The following MEIS2 variants were observed in gnomAD, a reference collection of about 807,000 sequenced individuals.
MEIS2 encodes the protein Meis homeobox 2.
A neutral mutation model predicts 58.6 loss-of-function variants in MEIS2; 9 were observed. The ratio of observed to expected loss-of-function variants is 0.15; its 90% confidence interval spans 0.09 to 0.27. The LOEUF is 0.27. Among genes scored for constraint, MEIS2 ranks in the 10% least tolerant of loss-of-function variants. MEIS2 has a pLI of 1.00. For synonymous variants in MEIS2, 221 were observed against 228.4 expected (o/e 0.97, Z 0.29); for missense variants, 427 against 635.0 (o/e 0.67, Z 3.52).
At chr15:37,087,379 C>A (rs1003941186) in intron 6 of MEIS2, among the ~76,000 whole-genome samples, 4 of 152,096 alleles carry the variant, frequency 2.6e-5, no homozygotes, top group Admixed American at 6.5e-5. Flanking sequence ...AAAATAGATA[C>A]AAGAAGCTAG....
chr15:36,922,618 T>G lies in MEIS2; in HGVS notation c.978-25932A>C, dbSNP rs1471013772. On this transcript the variant is annotated intron_variant, in intron 9 of 11. Coordinates refer to ENST00000561208, the MANE Select transcript of MEIS2 (RefSeq NM_170675.5). Reference sequence around the variant, plus strand: ...GGAAACCTCAGTAACTTTCTTTCTTTCTTTTTTTTTTTTTTTTTGTGATGG... The same window carrying G: ...GGAAACCTCAGTAACTTTCTTTCTTGCTTTTTTTTTTTTTTTTTGTGATGG... Among the ~76,000 whole-genome samples the G allele has an allele frequency of 5.1e-5, 6 of 118,084 alleles. No homozygotes were observed. The East Asian group carries it at 1.3e-3, about 25-fold the overall frequency. 77.5% of individuals were successfully genotyped at this position (118,084 alleles called of 152,430 possible).
intron 9 of MEIS2, among the ~76,000 whole-genome samples, chr15:36,935,148 T>C (rs942618097): frequency 1.3e-5 from 2 of 152,144 alleles, no homozygotes; most frequent in Non-Finnish European, 1.5e-5. Flanking sequence ...TGTTTTCAGT[T>C]AGTATTATCT....
intron 7 of MEIS2, among the ~76,000 whole-genome samples, chr15:37,047,177 T>C (rs1237181271): frequency 6.6e-6 from 1 of 152,180 alleles, no homozygotes; most frequent in African/African-American, 2.4e-5. Context: ...ATCTCTCAAA[T>C]GCCCTTTTCC....
At chr15:37,076,516 T>G (rs1021503083) in intron 7 of MEIS2, among the ~76,000 whole-genome samples, 1 of 152,002 alleles carries the variant, frequency 6.6e-6, no homozygotes, top group African/African-American at 2.4e-5. Context: ...CACACAGCAC[T>G]GACTCTAGGG....
At chr15:36,920,085 A>G (rs28743159) in intron 9 of MEIS2, among the ~76,000 whole-genome samples, 2,816 of 152,226 alleles carry the variant, frequency 0.018, 85 homozygotes, top group African/African-American at 0.065. Flanking sequence ...GCTGGAGATT[A>G]AAGTCCCAGC....
intron 11 of MEIS2, among the ~76,000 whole-genome samples, chr15:36,893,919 A>C (rs2056025041): frequency 6.6e-6 from 1 of 152,206 alleles, no homozygotes; most frequent in African/African-American, 2.4e-5. Flanking sequence ...ATGTTATATG[A>C]ATTTTTTTAT....
At chr15:36,905,990 C>A (rs1279388726) in intron 9 of MEIS2, among the ~76,000 whole-genome samples, 2 of 152,076 alleles carry the variant, frequency 1.3e-5, no homozygotes, top group Non-Finnish European at 2.9e-5. Flanking sequence ...ATTTCAAATT[C>A]TTGGAGGAAG....
intron 8 of MEIS2, among the ~76,000 whole-genome samples, chr15:36,991,665 T>G (rs1015547376): frequency 1.3e-5 from 2 of 151,958 alleles, no homozygotes; most frequent in South Asian, 4.2e-4. Context: ...GGATGCTTTG[T>G]GAGCATTAGA....
intron 8 of MEIS2, among the ~76,000 whole-genome samples, chr15:36,970,958 G>A (rs1010117761): frequency 6.6e-6 from 1 of 152,010 alleles, no homozygotes; most frequent in Non-Finnish European, 1.5e-5. Context: ...TGTGTTTAAA[G>A]CAACATCTCA....
At chr15:36,948,888 T>TA (rs1567092841) in intron 9 of MEIS2, among the ~76,000 whole-genome samples, 1 of 151,986 alleles carries the variant, frequency 6.6e-6, no homozygotes, top group African/African-American at 2.4e-5. Flanking sequence ...AGGGTGTCTT[T>TA]AAATGTACAC....
intron 8 of MEIS2, among the ~76,000 whole-genome samples, chr15:36,951,822 A>G (rs2058757820): frequency 6.6e-6 from 1 of 152,158 alleles, no homozygotes; most frequent in African/African-American, 2.4e-5. Context: ...AAGCTGTGTA[A>G]TTACAGAAGG....
intron 9 of MEIS2, among the ~76,000 whole-genome samples, chr15:36,931,948 C>T (rs923151149): frequency 5.3e-5 from 8 of 152,080 alleles, no homozygotes; most frequent in African/African-American, 1.7e-4. Flanking sequence ...CAAAGAGGGA[C>T]GCTAAGGTGG....
chr15:36,906,998 A>G (rs528117891), intron 9 of MEIS2, among the ~76,000 whole-genome samples: 1 of 152,352 alleles, frequency 6.6e-6, no homozygotes, highest in African/African-American at 2.4e-5. Flanking sequence ...TGATAATTAC[A>G]TACATGTTAC....
chr15:37,068,431 G>A (rs1890250517), intron 7 of MEIS2, among the ~76,000 whole-genome samples: 1 of 152,132 alleles, frequency 6.6e-6, no homozygotes, highest in Non-Finnish European at 1.5e-5. Flanking sequence ...AATGAGGAAC[G>A]AAACCCTATG....
At chr15:36,950,800 T>C (rs1329707624) in intron 8 of MEIS2, among the ~76,000 whole-genome samples, 1 of 152,120 alleles carries the variant, frequency 6.6e-6, no homozygotes, top group Non-Finnish European at 1.5e-5. Context: ...TAAATTATCT[T>C]TGTGAGATGG....
chr15:36,899,985 T>C (rs1334664302), intron 9 of MEIS2, among the ~76,000 whole-genome samples: 1 of 152,224 alleles, frequency 6.6e-6, no homozygotes, highest in Non-Finnish European at 1.5e-5. Context: ...TGCACCCAAC[T>C]TTAATGAAAA....
At chr15:36,920,516 G>A (rs2057463825) in intron 9 of MEIS2, among the ~76,000 whole-genome samples, 2 of 152,196 alleles carry the variant, frequency 1.3e-5, no homozygotes, top group African/African-American at 4.8e-5. Context: ...AAGGCTAAAG[G>A]GGAGAATGAT....
chr15:37,002,102 A>G (rs2060749050), intron 8 of MEIS2, among the ~76,000 whole-genome samples: 1 of 152,184 alleles, frequency 6.6e-6, no homozygotes, highest in South Asian at 2.1e-4. Context: ...TATATCTGAA[A>G]TCCTTAACCA....
chr15:36,972,499 C>T (rs113801963), intron 8 of MEIS2, among the ~76,000 whole-genome samples: 36 of 152,082 alleles, frequency 2.4e-4, no homozygotes, highest in Admixed American at 1.7e-3. Flanking sequence ...TCAAGTGATC[C>T]GCCCACCTTG....
Sources: gnomAD v4.1 joint callset for allele counts (sites outside exome capture counted in the v4.1 genomes callset) on GRCh38, gnomAD v4.1.1 for gene constraint, MANE v1.5 for transcripts, NCBI Gene and HGNC (gene_info 2026-07-23, HGNC 2026-07-21) for gene names.